Variants in CFAP74 observed in about 807,000 individuals in gnomAD.
CFAP74 encodes cilia and flagella associated protein 74.
In CFAP74, 124 loss-of-function variants were observed where a neutral mutation model predicts 188.9. The ratio of observed to expected loss-of-function variants is 0.66; its 90% confidence interval spans 0.57 to 0.76. CFAP74 has a LOEUF of 0.76. Among genes scored for constraint, CFAP74 ranks in the 30% least tolerant of loss-of-function variants. The pLI, the probability that CFAP74 is intolerant of heterozygous loss-of-function variation, is 0.00. For missense variants in CFAP74, 2,198 were observed against 2,165.2 expected, an observed-to-expected ratio of 1.02 and a Z score of -0.30; for synonymous variants, 956 against 916.7, an observed-to-expected ratio of 1.04 and a Z score of -0.77.
intron 6 of CFAP74, among the ~76,000 whole-genome samples, chr1:1,983,444 C>T (rs1657030563): frequency 6.6e-6 from 1 of 152,228 alleles, no homozygotes; most frequent in African/African-American, 2.4e-5. Context: ...TCATCACCCC[C>T]AGGGGCATCG....
rs74594142 is a variant in CFAP74, at chr1:1,985,520, G to A, written c.396-30C>T. The A allele has an allele frequency of 3.5e-3, 5,386 of 1,560,712 alleles. 179 individuals carry two copies. The East Asian group carries it at 0.081, about 23-fold the overall frequency. On this transcript the variant is annotated intron_variant, in intron 5 of 38. Transcript: ENST00000682832. ...AGTGGTGAACGGACAGGCCGGGCGT[G>A]TGTCAGGCCTCAGTCATCCAGGGGC...
At chr1:1,978,680 C>A (rs1459228149) in intron 6 of CFAP74, among the ~76,000 whole-genome samples, 3 of 152,212 alleles carry the variant, frequency 2.0e-5, no homozygotes, top group Admixed American at 2.0e-4. Flanking sequence ...CCTGCCCACA[C>A]CTTGACTTTA....
At chr1:1,974,256 G>GT (rs1656291788) in intron 6 of CFAP74, 58 bp from the exon 7 acceptor site, 1 of 1,502,078 alleles carries the variant, frequency 6.7e-7, no homozygotes, top group Non-Finnish European at 9.0e-7. Context: ...TGGGGTGGGG[G>GT]TTTCGGCATT....
chr1:1,932,663 G>A lies in CFAP74; in HGVS notation c.3012-2327C>T, dbSNP rs112258028. Among the ~76,000 whole-genome samples the A allele has an allele frequency of 3.0e-3, 448 of 150,360 alleles. 2 individuals are homozygous for A. The highest frequency in any genetic ancestry group is 7.7e-3 in the African/African-American group (315 of 40,882). ...GGCTGGAGAGCAGTGGCATGATCTC[G>A]GCTCACTGCAACCTCCGCCTCCCGG... On this transcript the variant is annotated intron_variant, in intron 25 of 38. Coordinates refer to ENST00000682832, the MANE Select transcript of CFAP74 (RefSeq NM_001304360.2).
chr1:1,931,609 C>T (rs1008352367), intron 25 of CFAP74, among the ~76,000 whole-genome samples: 13 of 148,638 alleles, frequency 8.7e-5, no homozygotes, highest in South Asian at 2.1e-4. Flanking sequence ...TGCTGGCGGG[C>T]GCCTGTAGTC....
At chr1:1,981,551 C>T (rs1260523908) in intron 6 of CFAP74, among the ~76,000 whole-genome samples, 2 of 114,998 alleles carry the variant, frequency 1.7e-5, no homozygotes, top group African/African-American at 8.3e-5. Flanking sequence ...CGCGGACAGA[C>T]ACGGGGGGCA....
chr1:1,937,786 G>C (rs963052958), intron 25 of CFAP74, among the ~76,000 whole-genome samples: 8 of 144,576 alleles, frequency 5.5e-5, no homozygotes, highest in Non-Finnish European at 1.1e-4. Context: ...TCAGGCTCAG[G>C]GAGGTGCAGA....
chr1:1,985,619 AATGGAGC>A (rs1657186104), intron 5 of CFAP74, 129 bp from the exon 6 acceptor site: 1 of 710,896 alleles, frequency 1.4e-6, no homozygotes, highest in Admixed American at 2.2e-5. Flanking sequence ...CCACCTAGCC[AATGGAGC>A]GTGGGGCTGG....
Position 1,923,078 on chromosome 1 carries a change from G to A in CFAP74, c.4590C>T (p.Asp1530=), listed in dbSNP as rs745813074. 8.1e-6 allele frequency: 13 copies of A among 1,610,184 alleles called. No homozygotes were observed. The East Asian group carries it at 2.9e-4, about 36-fold the overall frequency. Residue 1530 remains aspartate, a synonymous_variant, in exon 37 of 39, where the codon GAC becomes GAT. Transcript: ENST00000682832. The surrounding 1 kb of genome is among the most constrained non-coding windows in gnomAD (Gnocchi z 6.3). ...GCGTGTCTGTGTCAAACTGGATGTAGTCCAGGGTCACCAGGATGGGCCTCA... is the reference window on the plus strand; with the variant it reads ...GCGTGTCTGTGTCAAACTGGATGTAATCCAGGGTCACCAGGATGGGCCTCA... ...EELRPILVTL[D]YIQFDTDTPA... is the part of the protein sequence containing the mutation.
chr1:1,957,420 G>T (rs918299555), intron 16 of CFAP74, among the ~76,000 whole-genome samples: 1 of 152,224 alleles, frequency 6.6e-6, no homozygotes, highest in African/African-American at 2.4e-5. Context: ...AGGGCGGTCG[G>T]GGTCCAGCCA....
At chr1:1,937,579 G>A (rs536813008) in intron 25 of CFAP74, among the ~76,000 whole-genome samples, 42 of 152,288 alleles carry the variant, frequency 2.8e-4, no homozygotes, top group Middle Eastern at 6.8e-3. Flanking sequence ...CCTCAACTCG[G>A]CTCACATCGG....
intron 22 of CFAP74, among the ~76,000 whole-genome samples, chr1:1,940,921 C>G (rs1326125970): frequency 6.6e-6 from 1 of 151,950 alleles, no homozygotes; most frequent in Non-Finnish European, 1.5e-5. Flanking sequence ...GACCATCCTG[C>G]CTAACACGGT....
intron 8 of CFAP74, among the ~76,000 whole-genome samples, chr1:1,972,710 G>A (rs2102082270): frequency 6.6e-6 from 1 of 152,316 alleles, no homozygotes; most frequent in South Asian, 2.1e-4. Flanking sequence ...GCCGGGCATG[G>A]TGGCGCGTGC....
At chr1:1,991,856 A>AAGATG (rs1312882772) in intron 1 of CFAP74, among the ~76,000 whole-genome samples, 1 of 151,708 alleles carries the variant, frequency 6.6e-6, no homozygotes, top group African/African-American at 2.4e-5. Flanking sequence ...TGGCTAGCAC[A>AAGATG]GTGAAACCCC....
Position 1,973,364 on chromosome 1 carries a change from G to A in CFAP74, c.675-317C>T, listed in dbSNP as rs1428353035. ...AGTGCTGTGGGGAGGGAGGAGGCAGGGGCTGGGGACCTTGTGTCTGCAGCC... is the reference window on the plus strand; with the variant it reads ...AGTGCTGTGGGGAGGGAGGAGGCAGAGGCTGGGGACCTTGTGTCTGCAGCC... On this transcript the variant is annotated intron_variant, in intron 7 of 38. Transcript: ENST00000682832. This position sits in a 1 kb window ranked among gnomAD's most constrained non-coding sequence, Gnocchi z 6.2. 6.6e-6 allele frequency among the ~76,000 whole-genome samples: 1 copy of A among 152,150 alleles called. No individual in the cohort carries two copies. Among genetic ancestry groups the A allele is most frequent in the Non-Finnish European group, 1.5e-5 (1 of 68,022 alleles).
At chr1:1,958,402 G>A (rs527296885) in intron 16 of CFAP74, among the ~76,000 whole-genome samples, 4 of 152,364 alleles carry the variant, frequency 2.6e-5, no homozygotes, top group Admixed American at 2.6e-4. Context: ...GGAGATGCTC[G>A]TGCTGCCGTA....
chr1:1,944,549 G>A (rs1221964282), intron 20 of CFAP74, 97 bp from the exon 21 acceptor site: 21 of 1,295,172 alleles, frequency 1.6e-5, no homozygotes, highest in Non-Finnish European at 2.2e-5. Context: ...AACGTTTCAT[G>A]GGCTTGAGTT....
intron 6 of CFAP74, among the ~76,000 whole-genome samples, chr1:1,974,737 G>A (rs1332173449): frequency 1.3e-5 from 2 of 152,386 alleles, no homozygotes; most frequent in South Asian, 2.1e-4. Flanking sequence ...GACTGTGAGT[G>A]TGGCGTCTGT....
rs1654876959 is a variant in CFAP74 at position 1,959,106 on chromosome 1, A to G, written c.1851+14T>C. ...TGCCCCGAGAAATGCTGGCTCGGAC[A>G]CCTTTGAACTCACCGAACATTTCTT... On this transcript the variant is annotated intron_variant, in intron 16 of 38. Transcript: ENST00000682832. 1 of 1,585,866 alleles carries G rather than the reference A, an allele frequency of 6.3e-7. No individual in the cohort carries two copies. Among genetic ancestry groups the G allele is most frequent in the Non-Finnish European group, 8.6e-7 (1 of 1,156,856 alleles).
Sources: gnomAD v4.1 joint callset for allele counts (sites outside exome capture counted in the v4.1 genomes callset) on GRCh38, gnomAD v4.1.1 for gene constraint, Gnocchi (gnomAD v3.1) non-coding constraint, MANE v1.5 for transcripts, NCBI Gene and HGNC (gene_info 2026-07-23, HGNC 2026-07-21) for gene names.